Variants in ERP44 observed in about 807,000 individuals in gnomAD.
ERP44 encodes endoplasmic reticulum protein 44.
In ERP44, 25 loss-of-function variants were observed where a neutral mutation model predicts 53.4. That is an observed-to-expected ratio of 0.47 (90% CI 0.34 to 0.65). ERP44 has a LOEUF of 0.65. Ranked by LOEUF, ERP44 falls within the 30% of genes least tolerant of loss-of-function variation. ERP44 has a pLI of 0.01. For missense variants in ERP44, 338 were observed against 493.2 expected (o/e 0.69, Z 2.98); for synonymous variants, 145 against 161.2 (o/e 0.90, Z 0.76).
At chr9:100,017,804 C>T (rs1348824861) in intron 7 of ERP44, among the ~76,000 whole-genome samples, 2 of 152,154 alleles carry the variant, frequency 1.3e-5, no homozygotes, top group East Asian at 3.8e-4. Flanking sequence ...ACTTCTTACC[C>T]CACAGGTTAA....
chr9:100,093,184 G>C (rs1564108001), intron 1 of ERP44, among the ~76,000 whole-genome samples: 1 of 152,184 alleles, frequency 6.6e-6, no homozygotes, highest in Non-Finnish European at 1.5e-5. Flanking sequence ...ACAGTATACA[G>C]TTTAGAAAAA....
rs1181964964 is a variant in ERP44, at chr9:99,985,141, T to TA, written c.1017-73dup. The TA allele has an allele frequency of 3.8e-6, 4 of 1,047,536 alleles. No individual in the cohort carries two copies. The African/African-American group carries it at 4.7e-5, about 12-fold the overall frequency. The allele number at this position is 1,047,536 out of a possible 1,614,324, so 64.9% of individuals were successfully genotyped here. A position where few individuals can be genotyped will look rare whatever the true frequency, so the allele number is the denominator to read the frequency against. ...CTCTATTTTACCAACTTCACAGTAT[T>TA]AAAAAAACTTTTGCTAACCTATAGT... On this transcript the variant is annotated intron_variant, in intron 10 of 11. Transcript: ENST00000262455.
At chr9:100,071,722 G>A (rs1587981431) in intron 1 of ERP44, among the ~76,000 whole-genome samples, 1 of 151,916 alleles carries the variant, frequency 6.6e-6, no homozygotes, top group Non-Finnish European at 1.5e-5. Context: ...GAGTTTGAGA[G>A]CAACCTGGCC....
chr9:100,057,443 TAAAA>T (rs1052851265), intron 3 of ERP44, among the ~76,000 whole-genome samples: 2 of 152,216 alleles, frequency 1.3e-5, no homozygotes, highest in African/African-American at 4.8e-5. Flanking sequence ...TCTATAAATT[TAAAA>T]ATGTCAACAT....
chr9:100,096,239 T>C (rs1826627016), intron 1 of ERP44, among the ~76,000 whole-genome samples: 1 of 152,078 alleles, frequency 6.6e-6, no homozygotes, highest in Admixed American at 6.6e-5. Context: ...ACACAACCAG[T>C]GCAGGAAAAA....
chr9:100,037,425 C>A (rs570416697), intron 4 of ERP44, among the ~76,000 whole-genome samples: 1 of 152,270 alleles, frequency 6.6e-6, no homozygotes, highest in South Asian at 2.1e-4. Flanking sequence ...AGAACTGCAA[C>A]TTCTTGGCAA....
At chr9:100,036,906 T>A (rs1825852719) in intron 4 of ERP44, among the ~76,000 whole-genome samples, 1 of 151,810 alleles carries the variant, frequency 6.6e-6, no homozygotes, top group East Asian at 1.9e-4. Flanking sequence ...TTAAAAAAAA[T>A]TACCTCTAGA....
intron 1 of ERP44, among the ~76,000 whole-genome samples, chr9:100,093,905 G>A (rs896697710): frequency 4.6e-5 from 7 of 152,182 alleles, no homozygotes; most frequent in African/African-American, 1.7e-4. Flanking sequence ...AGGCTACAGG[G>A]AAACTATTAC....
intron 4 of ERP44, among the ~76,000 whole-genome samples, chr9:100,022,997 C>G (rs1331497319): frequency 1.3e-5 from 2 of 152,108 alleles, no homozygotes; most frequent in South Asian, 2.1e-4. Flanking sequence ...ACGGGAACAA[C>G]TGGTCATACT....
At chr9:99,994,971 A>G (rs764499193) in intron 10 of ERP44, among the ~76,000 whole-genome samples, 2 of 152,188 alleles carry the variant, frequency 1.3e-5, no homozygotes. Flanking sequence ...TAATCCATCA[A>G]CACAGTATAC....
In ERP44 at chr9:100,042,844, G is replaced by A. The variant is rs118058358; in HGVS notation, c.286+9573C>T. Among the ~76,000 whole-genome samples, 381 of 152,224 alleles carry A rather than the reference G, an allele frequency of 2.5e-3. 3 individuals are homozygous for A. The highest frequency in any genetic ancestry group is 0.01 in the Middle Eastern group (3 of 294). Reference sequence around the variant, plus strand: ...CATTGCATGTTCTCACTTAACTGTGGGAGCTAAAACTTAAAACAACTGAAC... The same window carrying A: ...CATTGCATGTTCTCACTTAACTGTGAGAGCTAAAACTTAAAACAACTGAAC... On this transcript the variant is annotated intron_variant, in intron 4 of 11. Coordinates refer to ENST00000262455, the MANE Select transcript of ERP44 (RefSeq NM_015051.3).
chr9:100,065,004 T>A (rs1020431295), intron 1 of ERP44, among the ~76,000 whole-genome samples: 1 of 152,148 alleles, frequency 6.6e-6, no homozygotes. Context: ...AAAAAAGATA[T>A]TTTAAAATAC....
At position 100,081,028 on chromosome 9, in the gene ERP44, G is replaced by GA. The variant is rs963117352; in HGVS notation, c.57+17755dup. Among the ~76,000 whole-genome samples the GA allele has an allele frequency of 5.1e-4, 75 of 147,552 alleles. No individual in the cohort carries two copies. In the South Asian group the frequency reaches 8.1e-3, roughly 16 times the overall value. On this transcript the variant is annotated intron_variant, in intron 1 of 11. Coordinates refer to ENST00000262455, the MANE Select transcript of ERP44 (RefSeq NM_015051.3). ...ATAGTAAAATATATTTAGAAAAACT[G>GA]AAAAAAAAATATGAAAATCAAGACT...
At chr9:100,079,316 C>T (rs995514122) in intron 1 of ERP44, among the ~76,000 whole-genome samples, 3 of 152,082 alleles carry the variant, frequency 2.0e-5, no homozygotes, top group Non-Finnish European at 4.4e-5. Flanking sequence ...CTTCAGCTTT[C>T]GCACTCAGAC....
At chr9:100,076,945 C>A (rs1236826472) in intron 1 of ERP44, among the ~76,000 whole-genome samples, 1 of 152,212 alleles carries the variant, frequency 6.6e-6, no homozygotes, top group Non-Finnish European at 1.5e-5. Flanking sequence ...ACATGGACTT[C>A]CACTCACCAA....
At chr9:100,082,055 T>C (rs1826433065) in intron 1 of ERP44, among the ~76,000 whole-genome samples, 1 of 151,696 alleles carries the variant, frequency 6.6e-6, no homozygotes, top group Non-Finnish European at 1.5e-5. Context: ...CTATTTGTAA[T>C]GCAACAAAAA....
intron 4 of ERP44, among the ~76,000 whole-genome samples, chr9:100,040,984 C>T (rs935102204): frequency 7.2e-5 from 11 of 151,794 alleles, no homozygotes; most frequent in Non-Finnish European, 8.8e-5. Flanking sequence ...TATAAAACAT[C>T]GATGGAAGAA....
chr9:100,075,165 C>G (rs1826342689), intron 1 of ERP44, among the ~76,000 whole-genome samples: 1 of 152,218 alleles, frequency 6.6e-6, no homozygotes. Context: ...ACTCTCCTAT[C>G]TGGCCTGTGC....
At chr9:100,088,788 A>G (rs1468896592) in intron 1 of ERP44, among the ~76,000 whole-genome samples, 1 of 152,204 alleles carries the variant, frequency 6.6e-6, no homozygotes, top group Non-Finnish European at 1.5e-5. Context: ...ATTTGGGCCC[A>G]AATCCCTGAT....
Sources: allele counts gnomAD v4.1 joint callset (sites outside exome capture counted in the v4.1 genomes callset), GRCh38; gene constraint gnomAD v4.1.1; transcripts MANE v1.5; gene names NCBI Gene and HGNC (gene_info 2026-07-23, HGNC 2026-07-21).